Variants in TRAPPC9 observed in about 807,000 individuals in gnomAD.
TRAPPC9 encodes IKK2 binding protein.
A neutral mutation model predicts 124.0 loss-of-function variants in TRAPPC9; 83 were observed. The ratio of observed to expected loss-of-function variants is 0.67; its 90% CI spans 0.56 to 0.80. The LOEUF is 0.80. TRAPPC9 is among the 30% of genes least tolerant of loss of function. The pLI is 0.00. For missense variants in TRAPPC9, 1,302 were observed against 1,508.3 expected (o/e 0.86, Z 2.27); for synonymous variants, 638 against 617.5 (o/e 1.03, Z -0.49).
intron 17 of TRAPPC9, among the ~76,000 whole-genome samples, chr8:140,043,799 C>T (rs558473972): frequency 3.9e-5 from 6 of 152,258 alleles, no homozygotes; most frequent in Admixed American, 3.3e-4. Context: ...GGAAATGGGG[C>T]GATACAGGCA....
chr8:140,440,444 T>G (rs1321285899), intron 2 of TRAPPC9, among the ~76,000 whole-genome samples: 1 of 151,158 alleles, frequency 6.6e-6, no homozygotes, highest in Non-Finnish European at 1.5e-5. Flanking sequence ...GAGGCGGAGG[T>G]TGCAGTGAGC....
At chr8:140,149,190 T>C (rs1204649932) in intron 17 of TRAPPC9, among the ~76,000 whole-genome samples, 1 of 151,972 alleles carries the variant, frequency 6.6e-6, no homozygotes, top group Admixed American at 6.6e-5. Flanking sequence ...ATTGCTCTGG[T>C]CTACCTGCAG....
At chr8:140,427,013 C>T (rs1035362193) in intron 4 of TRAPPC9, among the ~76,000 whole-genome samples, 7 of 151,802 alleles carry the variant, frequency 4.6e-5, no homozygotes, top group Non-Finnish European at 1.0e-4. Context: ...TCATCCTCTG[C>T]CTCCCAGGTT....
At chr8:139,892,228 G>A (rs919903440) in intron 20 of TRAPPC9, among the ~76,000 whole-genome samples, 1 of 152,108 alleles carries the variant, frequency 6.6e-6, no homozygotes, top group African/African-American at 2.4e-5. Context: ...CCCCCACCCC[G>A]GCATGGAGCC....
chr8:140,309,039 A>G (rs1241732483), intron 10 of TRAPPC9, among the ~76,000 whole-genome samples: 1 of 152,156 alleles, frequency 6.6e-6, no homozygotes, highest in Non-Finnish European at 1.5e-5. Flanking sequence ...CAGGAAAGGG[A>G]CGCGCACAGA....
At chr8:140,008,747 G>GT (rs904618137) in intron 18 of TRAPPC9, among the ~76,000 whole-genome samples, 1 of 152,154 alleles carries the variant, frequency 6.6e-6, no homozygotes. Flanking sequence ...ATACAGAATG[G>GT]TTTTTTTAGA....
chr8:140,337,511 G>A (rs1362253265), intron 9 of TRAPPC9, among the ~76,000 whole-genome samples: 2 of 152,208 alleles, frequency 1.3e-5, no homozygotes, highest in Non-Finnish European at 2.9e-5. Context: ...CAGACAGAGA[G>A]GATCAGGACT....
intron 17 of TRAPPC9, among the ~76,000 whole-genome samples, chr8:140,156,333 A>G (rs1207607385): frequency 6.6e-6 from 1 of 152,226 alleles, no homozygotes; most frequent in African/African-American, 2.4e-5. Flanking sequence ...ATCATTTAAC[A>G]TCTTAAAGCC....
At chr8:140,164,308 C>A (rs2061797393) in intron 17 of TRAPPC9, among the ~76,000 whole-genome samples, 1 of 152,246 alleles carries the variant, frequency 6.6e-6, no homozygotes, top group Non-Finnish European at 1.5e-5. Flanking sequence ...AGAAACTTCC[C>A]CTAAAAATTT....
At chr8:140,208,292 G>C (rs983196249) in intron 17 of TRAPPC9, among the ~76,000 whole-genome samples, 1 of 152,180 alleles carries the variant, frequency 6.6e-6, no homozygotes, top group Non-Finnish European at 1.5e-5. Flanking sequence ...AGACACACCG[G>C]AAGTGTCCGT....
chr8:140,216,300 CT>C lies in TRAPPC9; in HGVS notation c.2556+5158del, dbSNP rs2063192561. 6.6e-6 allele frequency among the ~76,000 whole-genome samples: 1 copy of C among 152,198 alleles called. No individual in the cohort carries two copies. The highest frequency in any genetic ancestry group is 1.5e-5 in the Non-Finnish European group (1 of 68,050). ...TAAATACATGTACGAACATTCATCT[CT>C]ATCTATATACATTTATAATGATTCC... On this transcript the variant is annotated intron_variant, in intron 17 of 22. Transcript: ENST00000438773. This position sits in a 1 kb window ranked among gnomAD's most constrained non-coding sequence, Gnocchi z 4.1.
At position 139,745,022 on chromosome 8, in the gene TRAPPC9, C is replaced by G. The variant is rs541652261; in HGVS notation, c.3056-12820G>C. Among the ~76,000 whole-genome samples, 36 of 152,310 alleles carry G rather than the reference C, an allele frequency of 2.4e-4. No homozygotes were observed. The South Asian group carries it at 7.0e-3, about 30-fold the overall frequency. The stretch of plus-strand genomic sequence containing the variant: ...ACCCCGGGGATGTGCAGGAGGTGAG[C>G]TCCGGAGAGGAGAAGGACTTCCCTT... On this transcript the variant is annotated intron_variant, in intron 21 of 22. Coordinates refer to ENST00000438773, the MANE Select transcript of TRAPPC9 (RefSeq NM_001160372.4).
chr8:140,200,883 T>G (rs2062772674), intron 17 of TRAPPC9, among the ~76,000 whole-genome samples: 1 of 152,214 alleles, frequency 6.6e-6, no homozygotes, highest in African/African-American at 2.4e-5. Flanking sequence ...TGTACAACAC[T>G]GACAATGGAG....
At chr8:140,280,006 G>T (rs759775633) in intron 14 of TRAPPC9, among the ~76,000 whole-genome samples, 2 of 152,200 alleles carry the variant, frequency 1.3e-5, no homozygotes, top group Non-Finnish European at 2.9e-5. Context: ...ATGGAGCCAC[G>T]ATCTCCTTTA....
At chr8:139,901,630 G>A (rs919178580) in intron 20 of TRAPPC9, among the ~76,000 whole-genome samples, 6 of 152,242 alleles carry the variant, frequency 3.9e-5, no homozygotes, top group African/African-American at 1.2e-4. Context: ...TGCATGGGGC[G>A]ATGGGTACCA....
chr8:139,890,761 G>A (rs1453102535), intron 20 of TRAPPC9, among the ~76,000 whole-genome samples: 1 of 151,978 alleles, frequency 6.6e-6, no homozygotes, highest in East Asian at 1.9e-4. Context: ...ATGAGTTAGT[G>A]GGTGCAGCAC....
chr8:139,970,185 C>T (rs763042877), intron 19 of TRAPPC9, among the ~76,000 whole-genome samples: 1 of 152,168 alleles, frequency 6.6e-6, no homozygotes, highest in Non-Finnish European at 1.5e-5. Context: ...CAGGCGCCAG[C>T]GATGCCCAAA....
intron 9 of TRAPPC9, among the ~76,000 whole-genome samples, chr8:140,340,553 T>C (rs1238332312): frequency 6.6e-6 from 1 of 152,224 alleles, no homozygotes; most frequent in African/African-American, 2.4e-5. Flanking sequence ...ACACATTCTT[T>C]CTGATAAATC....
At chr8:139,770,925 C>T (rs1820913319) in intron 21 of TRAPPC9, among the ~76,000 whole-genome samples, 1 of 152,268 alleles carries the variant, frequency 6.6e-6, no homozygotes, top group South Asian at 2.1e-4. Flanking sequence ...GTCACCACGC[C>T]TCTCCTGATG....
Sources: allele counts gnomAD v4.1 joint callset (sites outside exome capture counted in the v4.1 genomes callset), GRCh38; gene constraint gnomAD v4.1.1; non-coding constraint Gnocchi (gnomAD v3.1); transcripts MANE v1.5; gene names NCBI Gene and HGNC (gene_info 2026-07-23, HGNC 2026-07-21).